Variants in PDE6C observed in about 807,000 individuals in gnomAD.
PDE6C encodes the protein phosphodiesterase 6C.
Under a neutral mutation model 113.1 loss-of-function variants are expected in PDE6C, and 75 were observed. That is an observed-to-expected ratio of 0.66 (90% confidence interval 0.55 to 0.80). The LOEUF is 0.80. Ranked by LOEUF, PDE6C falls within the 30% of genes least tolerant of loss-of-function variation. The pLI, the probability that PDE6C is intolerant of heterozygous loss-of-function variation, is 0.00. For synonymous variants in PDE6C, 375 were observed against 363.7 expected, an observed-to-expected ratio of 1.03 and a Z score of -0.35; for missense variants, 912 against 1,038.6, an observed-to-expected ratio of 0.88 and a Z score of 1.67.
At chr10:93,664,142 C>T (rs2058679415) in intron 21 of PDE6C, among the ~76,000 whole-genome samples, 1 of 152,134 alleles carries the variant, frequency 6.6e-6, no homozygotes, top group Non-Finnish European at 1.5e-5. Context: ...TAGGCAGGCC[C>T]TGGGGAAAGA....
At chr10:93,621,812 C>T (rs565672709) in intron 3 of PDE6C, 120 bp from the exon 4 acceptor site, 13 of 905,210 alleles carry the variant, frequency 1.4e-5, no homozygotes, top group Non-Finnish European at 2.1e-5. Flanking sequence ...ATCAGAATTG[C>T]ACTTTCCAAT....
At chr10:93,649,986 C>T (rs2133871947) in intron 15 of PDE6C, among the ~76,000 whole-genome samples, 1 of 152,262 alleles carries the variant, frequency 6.6e-6, no homozygotes, top group African/African-American at 2.4e-5. Flanking sequence ...AATCAAGATG[C>T]AGAACACTTC....
intron 16 of PDE6C, among the ~76,000 whole-genome samples, chr10:93,657,221 G>T (rs1197044864): frequency 6.6e-6 from 1 of 151,896 alleles, no homozygotes; most frequent in African/African-American, 2.4e-5. Flanking sequence ...GAGTGCAGTG[G>T]CGCAATCTCG....
intron 14 of PDE6C, among the ~76,000 whole-genome samples, chr10:93,645,227 C>G (rs181264735): frequency 4.3e-4 from 66 of 152,166 alleles, no homozygotes; most frequent in Non-Finnish European, 7.8e-4. Flanking sequence ...TCAGATATGG[C>G]CTAATTATTC....
intron 7 of PDE6C, among the ~76,000 whole-genome samples, chr10:93,628,568 G>C (rs2058485252): frequency 6.6e-6 from 1 of 151,988 alleles, no homozygotes; most frequent in South Asian, 2.1e-4. Context: ...CTGGGAAACA[G>C]AACAAAAACT....
intron 15 of PDE6C, among the ~76,000 whole-genome samples, chr10:93,655,173 G>A (rs1455349421): frequency 6.6e-6 from 1 of 152,146 alleles, no homozygotes; most frequent in Non-Finnish European, 1.5e-5. Flanking sequence ...GATGTAGTGA[G>A]AAACTCTTTG....
chr10:93,636,432 T>C (rs1322318626), intron 10 of PDE6C, among the ~76,000 whole-genome samples: 1 of 147,170 alleles, frequency 6.8e-6, no homozygotes, highest in East Asian at 2.0e-4. Flanking sequence ...GGGTTGGTTT[T>C]GGTGAGCATG....
chr10:93,635,666 A>G (rs201658632), intron 10 of PDE6C, 26 bp downstream of exon 10: 1 of 1,611,162 alleles, frequency 6.2e-7, no homozygotes, highest in Non-Finnish European at 8.5e-7. Flanking sequence ...AGTCCTGTGG[A>G]CATAAGATGT....
chr10:93,656,153 C>T (rs2133875518), intron 16 of PDE6C, among the ~76,000 whole-genome samples: 1 of 152,318 alleles, frequency 6.6e-6, no homozygotes, highest in South Asian at 2.1e-4. Context: ...GCAGAATGTG[C>T]AGCCAAGTTT....
intron 14 of PDE6C, among the ~76,000 whole-genome samples, chr10:93,643,392 T>C (rs2058568682): frequency 6.6e-6 from 1 of 152,030 alleles, no homozygotes; most frequent in Non-Finnish European, 1.5e-5. Context: ...TGTATATAAA[T>C]AATATATATA....
In PDE6C at chr10:93,663,100, T is replaced by A. The variant is rs2058673868; in HGVS notation, c.2440T>A (p.Ser814Thr). 6.2e-7 allele frequency: 1 copy of A among 1,613,406 alleles called. No homozygotes were observed. The highest frequency in any genetic ancestry group is 8.5e-7 in the Non-Finnish European group (1 of 1,179,626). Residue 814 changes from serine (S) to threonine (T), a missense_variant, in exon 21 of 22, where the codon TCA (serine) becomes ACA (threonine). By Grantham distance (58) the Ser-to-Thr change is moderately conservative. Transcript: ENST00000371447. ...GLQNNRVEWK[S>T]LADEYDAKMK... ...TCAGAATAACAGAGTAGAATGGAAA[T>A]CACTAGCTGATGAGTATGATGCAAA...
intron 16 of PDE6C, 105 bp downstream of exon 16, chr10:93,655,965 TACACACACACAGACACAC>T (rs2058636135): frequency 1.3e-6 from 1 of 767,898 alleles, no homozygotes; most frequent in Non-Finnish European, 2.4e-6. Flanking sequence ...TTCACACACA[TACACACACACAGACACAC>T]ACACACACAT....
At chr10:93,635,446 C>T in intron 9 of PDE6C, 51 bp from the exon 10 acceptor site, 1 of 1,527,490 alleles carries the variant, frequency 6.5e-7, no homozygotes, top group Non-Finnish European at 9.1e-7. Flanking sequence ...TGCCTCCAAA[C>T]CAATTTTTCT....
chr10:93,631,905 T>C (rs2058503624), intron 8 of PDE6C, among the ~76,000 whole-genome samples: 1 of 152,270 alleles, frequency 6.6e-6, no homozygotes, highest in Admixed American at 6.5e-5. Context: ...CTGAGTGGTT[T>C]AAAACCACAC....
chr10:93,644,920 A>T (rs2058577434), intron 14 of PDE6C, among the ~76,000 whole-genome samples: 1 of 147,952 alleles, frequency 6.8e-6, no homozygotes. Flanking sequence ...CACTATATCG[A>T]TATAGTATAT....
intron 1 of PDE6C, among the ~76,000 whole-genome samples, chr10:93,617,713 G>A (rs2058426333): frequency 6.6e-6 from 1 of 152,208 alleles, no homozygotes; most frequent in Admixed American, 6.5e-5. Context: ...GGTGAAGCCT[G>A]CAGTGATCAG....
intron 11 of PDE6C, among the ~76,000 whole-genome samples, chr10:93,638,333 G>A (rs1779092379): frequency 6.6e-6 from 1 of 151,728 alleles, no homozygotes. Flanking sequence ...CCTTTTTTGG[G>A]GCTTACTTCC....
chr10:93,627,657 A>C (rs1195762404), intron 7 of PDE6C, among the ~76,000 whole-genome samples: 3 of 152,210 alleles, frequency 2.0e-5, no homozygotes, highest in African/African-American at 7.2e-5. Context: ...AATGTTCTTC[A>C]AAGAAAGGAC....
At chr10:93,627,258 C>CAAAAAAAAAAAAAAAAAAAAAAA in intron 7 of PDE6C, among the ~76,000 whole-genome samples, 1 of 52,580 alleles carries the variant, frequency 1.9e-5, no homozygotes, top group Non-Finnish European at 3.6e-5. Context: ...TGAAACTCCA[C>CAAAAAAAAAAAAAAAAAAAAAAA]AAAAAAAAAA....
Sources: allele counts gnomAD v4.1 joint callset (sites outside exome capture counted in the v4.1 genomes callset), GRCh38; gene constraint gnomAD v4.1.1; transcripts MANE v1.5; gene names NCBI Gene and HGNC (gene_info 2026-07-23, HGNC 2026-07-21).